TRAPPC12: variants seen among roughly 807,000 people sequenced by gnomAD.
TRAPPC12 encodes the protein TPR repeat protein 15.
In TRAPPC12, 61 loss-of-function variants were observed where a neutral mutation model predicts 69.2. That is an observed-to-expected ratio of 0.88 (90% CI 0.72 to 1.09). The LOEUF (loss-of-function observed/expected upper bound fraction) is 1.09. TRAPPC12 is among the 50% of genes least tolerant of loss of function. The pLI is 0.00. For missense variants in TRAPPC12, 1,101 were observed against 1,016.4 expected (o/e 1.08, Z -1.13); for synonymous variants, 469 against 438.9 (o/e 1.07, Z -0.86).
chr2:3,418,987 GC>G (rs1268497707), intron 3 of TRAPPC12, among the ~76,000 whole-genome samples: 3 of 152,038 alleles, frequency 2.0e-5, no homozygotes, highest in Admixed American at 6.5e-5. Flanking sequence ...CCTCCCTCCG[GC>G]CCGCTGGTCC....
intron 11 of TRAPPC12, 134 bp from the exon 12 acceptor site, chr2:3,479,085 A>G (rs1271418632): frequency 4.0e-6 from 6 of 1,512,124 alleles, no homozygotes; most frequent in East Asian, 2.3e-5. Context: ...AAGTGACCCA[A>G]CAGGGCCACC....
At chr2:3,394,807 C>T (rs535561647) in intron 2 of TRAPPC12, among the ~76,000 whole-genome samples, 6 of 149,604 alleles carry the variant, frequency 4.0e-5, no homozygotes, top group African/African-American at 1.5e-4. Context: ...TAAGTAGGTT[C>T]GAAACCCATT....
chr2:3,455,505 T>G (rs1572187296), intron 6 of TRAPPC12: 1 of 152,150 alleles, frequency 6.6e-6, no homozygotes, highest in African/African-American at 2.4e-5. Flanking sequence ...CATCCCCCAC[T>G]ACTGTTCCCA....
Position 3,401,842 on chromosome 2 carries a change from C to A in TRAPPC12, c.1113C>A (p.Val371=). The A allele has an allele frequency of 6.2e-7, 1 of 1,602,960 alleles. No individual in the cohort carries two copies. The highest frequency in any genetic ancestry group is 1.1e-5 in the South Asian group (1 of 88,810). Residue 371 remains valine, a synonymous_variant, in exon 3 of 12, where the codon GTC becomes GTA. Transcript: ENST00000324266. ...LGEKAAAKRQ[V]LNADSVEQSF... The stretch of plus-strand genomic sequence containing the variant: ...AAAAAGCTGCAGCAAAGAGACAAGT[C>A]CTAAATGCCGACTCAGTGGAACAAT...
intron 1 of TRAPPC12, among the ~76,000 whole-genome samples, chr2:3,380,116 C>G (rs1295288824): frequency 6.6e-6 from 1 of 152,186 alleles, no homozygotes; most frequent in East Asian, 1.9e-4. Context: ...GGGCTGGAAG[C>G]GTCTCTGCAG....
At chr2:3,479,167 G>A (rs144606177) in intron 11 of TRAPPC12, 52 bp from the exon 12 acceptor site, 280 of 1,582,998 alleles carry the variant, frequency 1.8e-4, no homozygotes, top group African/African-American at 1.6e-3. Context: ...TGGAATGGGC[G>A]GGCGTCTGTC....
chr2:3,470,619 G>A (rs898147901), intron 9 of TRAPPC12, among the ~76,000 whole-genome samples: 3 of 152,190 alleles, frequency 2.0e-5, no homozygotes, highest in African/African-American at 7.2e-5. Context: ...AGAGTGGGCC[G>A]AACACCTCCA....
intron 3 of TRAPPC12, among the ~76,000 whole-genome samples, chr2:3,413,538 T>C (rs1662175279): frequency 6.6e-6 from 1 of 152,212 alleles, no homozygotes; most frequent in African/African-American, 2.4e-5. Flanking sequence ...TACGTGAGTG[T>C]GATTGAATAT....
At chr2:3,447,601 A>G (rs1008793013) in intron 6 of TRAPPC12, among the ~76,000 whole-genome samples, 3 of 152,064 alleles carry the variant, frequency 2.0e-5, no homozygotes, top group Non-Finnish European at 4.4e-5. Context: ...CCCAGGACAC[A>G]AACACCCCCC....
chr2:3,465,285 T>G (rs1038651867), intron 8 of TRAPPC12, among the ~76,000 whole-genome samples: 1 of 152,182 alleles, frequency 6.6e-6, no homozygotes, highest in Non-Finnish European at 1.5e-5. Flanking sequence ...AAGTGAAATA[T>G]GAATCGCTGT....
At chr2:3,452,314 A>ACGGC (rs1486428625) in intron 6 of TRAPPC12, among the ~76,000 whole-genome samples, 1 of 152,106 alleles carries the variant, frequency 6.6e-6, no homozygotes, top group Non-Finnish European at 1.5e-5. Context: ...AGTGCCTTGC[A>ACGGC]CGGCCGGGTC....
intron 3 of TRAPPC12, among the ~76,000 whole-genome samples, chr2:3,412,529 C>G (rs1033725144): frequency 3.3e-5 from 5 of 152,190 alleles, no homozygotes; most frequent in Non-Finnish European, 5.9e-5. Flanking sequence ...CCACCGCACT[C>G]CAGCCTGGGT....
At chr2:3,408,991 TCCTGAG>T (rs1661886125) in intron 3 of TRAPPC12, among the ~76,000 whole-genome samples, 1 of 152,192 alleles carries the variant, frequency 6.6e-6, no homozygotes, top group Non-Finnish European at 1.5e-5. Flanking sequence ...GCACCGTGGC[TCCTGAG>T]CCCTGCCCGG....
At chr2:3,438,242 C>A (rs1231183904) in intron 5 of TRAPPC12, among the ~76,000 whole-genome samples, 1 of 110,940 alleles carries the variant, frequency 9.0e-6, no homozygotes, top group East Asian at 3.0e-4. Context: ...ATCCCCCCAT[C>A]AGCCCTGGAT....
chr2:3,424,578 T>C lies in TRAPPC12; in HGVS notation c.1332T>C (p.Ala444=), dbSNP rs944309312. Reference sequence around the variant, plus strand: ...TGAAGTTGGGCCTTTTCCAGAATGCTGAGATGGAATTTGAACCCTTCGGAA... The same window carrying C: ...TGAAGTTGGGCCTTTTCCAGAATGCCGAGATGGAATTTGAACCCTTCGGAA... ...LLVKLGLFQN[A]EMEFEPFGNL... Residue 444 remains alanine, a synonymous_variant, in exon 5 of 12, where the codon GCT becomes GCC. Transcript: ENST00000324266. 5.6e-6 allele frequency: 9 copies of C among 1,613,970 alleles called. No individual in the cohort carries two copies. The highest frequency in any genetic ancestry group is 7.6e-6 in the Non-Finnish European group (9 of 1,180,004).
intron 6 of TRAPPC12, among the ~76,000 whole-genome samples, chr2:3,446,075 G>A (rs949261152): frequency 1.3e-5 from 2 of 152,220 alleles, no homozygotes; most frequent in Non-Finnish European, 2.9e-5. Flanking sequence ...AGGCTGACTG[G>A]GCGTGGGGCC....
At chr2:3,423,713 C>T (rs1662948413) in intron 4 of TRAPPC12, among the ~76,000 whole-genome samples, 1 of 152,194 alleles carries the variant, frequency 6.6e-6, no homozygotes, top group Admixed American at 6.5e-5. Flanking sequence ...TGCGTCATGC[C>T]ACGTTCCTTT....
chr2:3,474,111 A>G (rs1237781708), intron 9 of TRAPPC12, among the ~76,000 whole-genome samples: 1 of 152,232 alleles, frequency 6.6e-6, no homozygotes, highest in African/African-American at 2.4e-5. Flanking sequence ...GTGACAGAGA[A>G]GCAGGTGAAG....
intron 5 of TRAPPC12, 21 bp downstream of exon 5, chr2:3,424,684 A>G: frequency 6.4e-7 from 1 of 1,553,880 alleles, no homozygotes; most frequent in Non-Finnish European, 8.7e-7. Flanking sequence ...GGTATTTAAT[A>G]TTTGTACATT....
Sources: allele counts gnomAD v4.1 joint callset (sites outside exome capture counted in the v4.1 genomes callset), GRCh38; gene constraint gnomAD v4.1.1; transcripts MANE v1.5; gene names NCBI Gene and HGNC (gene_info 2026-07-23, HGNC 2026-07-21).